Variants in RAB3GAP1 observed in about 807,000 individuals in gnomAD.
The protein encoded by RAB3GAP1 is RAB3 GTPase activating protein catalytic subunit 1.
Under a neutral mutation model 130.7 loss-of-function variants are expected in RAB3GAP1, and 86 were observed. The ratio of observed to expected loss-of-function variants is 0.66; its 90% confidence interval spans 0.55 to 0.79. RAB3GAP1 has a LOEUF of 0.79. RAB3GAP1 is among the 30% of genes least tolerant of loss of function. The pLI is 0.00. For synonymous variants in RAB3GAP1, 367 were observed against 401.7 expected, an observed-to-expected ratio of 0.91 and a Z score of 1.03; for missense variants, 1,029 against 1,169.4, an observed-to-expected ratio of 0.88 and a Z score of 1.75.
In RAB3GAP1 at chr2:135,058,009, A is replaced by G. The variant is rs1309390755; in HGVS notation, c.75-2A>G. On this transcript the variant is annotated splice_acceptor_variant, in intron 2 of 23. Transcript: ENST00000264158. LOFTEE classifies it high-confidence loss of function. ...TTTAGAAGCTTTCTCCCTACTTCCT[A>G]GGTTTATTTCCAAAGTTGAAGAAGT... is the stretch of plus-strand genomic sequence containing the variant. 1.2e-6 allele frequency: 2 copies of G among 1,604,510 alleles called. No homozygotes were observed. Among genetic ancestry groups the G allele is most frequent in the South Asian group, 2.2e-5 (2 of 90,826 alleles).
chr2:135,052,363 C>G, intron 1 of RAB3GAP1, 38 bp downstream of exon 1: 1 of 1,614,156 alleles, frequency 6.2e-7, no homozygotes, highest in South Asian at 1.1e-5. Flanking sequence ...TTGTCACTAT[C>G]TAAATTCGTT....
chr2:135,067,783 G>T (rs2104836826), intron 3 of RAB3GAP1, among the ~76,000 whole-genome samples: 1 of 152,334 alleles, frequency 6.6e-6, no homozygotes, highest in Middle Eastern at 3.4e-3. Context: ...CTAGAGTGCG[G>T]TGGCACCATC....
intron 7 of RAB3GAP1, among the ~76,000 whole-genome samples, chr2:135,116,756 C>G (rs895133816): frequency 6.6e-6 from 1 of 152,084 alleles, no homozygotes; most frequent in African/African-American, 2.4e-5. Flanking sequence ...AAAAAAATGT[C>G]ATATGCATAA....
Position 135,153,684 on chromosome 2 carries a change from G to C in RAB3GAP1, c.2097G>C (p.Val699=), listed in dbSNP as rs1178795845. The C allele has an allele frequency of 6.2e-7, 1 of 1,613,978 alleles. No individual in the cohort carries two copies. Among genetic ancestry groups the C allele is most frequent in the African/African-American group, 1.3e-5 (1 of 74,990 alleles). ...CAGGTTGCTCCCTGGAAGATTTTGT[G>C]AGGTGGTATTCACCCCGGGATTATA... ...ANPGCSLEDF[V]RWYSPRDYIE... Residue 699 remains valine (V), a synonymous_variant, in exon 19 of 24, where the codon GTG becomes GTC. Coordinates refer to ENST00000264158, the MANE Select transcript of RAB3GAP1 (RefSeq NM_012233.3).
At chr2:135,059,124 C>A (rs1689098853) in intron 3 of RAB3GAP1, 1 of 152,060 alleles carries the variant, frequency 6.6e-6, no homozygotes, top group African/African-American at 2.4e-5. Flanking sequence ...AAAAATACAT[C>A]ATTCAAAGAC....
chr2:135,159,276 C>T (rs1474367794), intron 19 of RAB3GAP1, among the ~76,000 whole-genome samples: 1 of 152,182 alleles, frequency 6.6e-6, no homozygotes, highest in Non-Finnish European at 1.5e-5. Context: ...CCAGAGAGTA[C>T]AGTGCACAGA....
intron 19 of RAB3GAP1, among the ~76,000 whole-genome samples, chr2:135,157,903 G>A (rs1024802076): frequency 5.9e-5 from 9 of 151,644 alleles, no homozygotes; most frequent in African/African-American, 2.2e-4. Flanking sequence ...GTAATGATAC[G>A]GGTACAGCAA....
chr2:135,173,205 A>AT (rs1553451479), downstream of RAB3GAP1, among the ~76,000 whole-genome samples: 1 of 152,086 alleles, frequency 6.6e-6, no homozygotes, highest in Non-Finnish European at 1.5e-5. Context: ...GGTTGGCTAT[A>AT]TAAGTTTGGA....
chr2:135,120,974 C>T lies in RAB3GAP1; in HGVS notation c.748+56C>T, dbSNP rs1691182438. On this transcript the variant is annotated intron_variant, in intron 8 of 23. Coordinates refer to ENST00000264158, the MANE Select transcript of RAB3GAP1 (RefSeq NM_012233.3). ...CTGAATATAAATGGAAAAGAAGATACATTCAGAAATTAAAATTACTTAACA... is the reference window on the plus strand; with the variant it reads ...CTGAATATAAATGGAAAAGAAGATATATTCAGAAATTAAAATTACTTAACA... 4 of 1,228,386 alleles carry T rather than the reference C, an allele frequency of 3.3e-6. No individual in the cohort carries two copies. In the Admixed American group the frequency reaches 6.7e-5, roughly 21 times the overall value. The allele number at this position is 1,228,386 out of a possible 1,614,324, so 76.1% of individuals were successfully genotyped here. A position where few individuals can be genotyped will look rare whatever the true frequency, so the allele number is the denominator to read the frequency against.
At chr2:135,076,463 T>A (rs549056416) in intron 3 of RAB3GAP1, among the ~76,000 whole-genome samples, 1 of 152,228 alleles carries the variant, frequency 6.6e-6, no homozygotes, top group Non-Finnish European at 1.5e-5. Flanking sequence ...GAGCATTCAT[T>A]AGTGTTCATT....
intron 17 of RAB3GAP1, among the ~76,000 whole-genome samples, chr2:135,148,959 C>T (rs1408512572): frequency 1.3e-5 from 2 of 152,054 alleles, no homozygotes; most frequent in Non-Finnish European, 2.9e-5. Flanking sequence ...ATTCCCTTAC[C>T]CCTCTCAGTG....
downstream of RAB3GAP1, among the ~76,000 whole-genome samples, chr2:135,173,909 A>T (rs757642834): frequency 3.3e-5 from 5 of 151,926 alleles, no homozygotes; most frequent in Non-Finnish European, 5.9e-5. Context: ...AAGAGGCCCC[A>T]CTCTTGTGTT....
chr2:135,100,663 A>G (rs1339371336), intron 5 of RAB3GAP1, among the ~76,000 whole-genome samples: 1 of 152,246 alleles, frequency 6.6e-6, no homozygotes, highest in Non-Finnish European at 1.5e-5. Flanking sequence ...AAAGTTAAGC[A>G]TATTAAATGT....
chr2:135,065,228 C>T (rs567623138), intron 3 of RAB3GAP1, among the ~76,000 whole-genome samples: 4 of 152,296 alleles, frequency 2.6e-5, no homozygotes, highest in African/African-American at 7.2e-5. Context: ...CTTTCTGCTT[C>T]CCGAGTTGTA....
In RAB3GAP1 at chr2:135,120,857, T is replaced by C. The variant is rs1049079583; in HGVS notation, c.687T>C (p.Ala229=). The change falls in exon 8 of 24, where the codon GCT becomes GCC. Residue 229 remains alanine, a synonymous_variant. Transcript: ENST00000264158. Reference sequence around the variant, plus strand: ...CTCCATTGCCTCCAGTTAGTATTGCTATTCGATTTACCTATGTACTTCAAG... The same window carrying C: ...CTCCATTGCCTCCAGTTAGTATTGCCATTCGATTTACCTATGTACTTCAAG... ...PLTPLPPVSI[A]IRFTYVLQDW... is the part of the protein sequence containing the mutation. 1.9e-6 allele frequency: 3 copies of C among 1,613,378 alleles called. No homozygotes were observed. In the Admixed American group the frequency reaches 5.0e-5, roughly 27 times the overall value.
chr2:135,149,707 G>T (rs1692114982), intron 17 of RAB3GAP1, among the ~76,000 whole-genome samples: 1 of 152,188 alleles, frequency 6.6e-6, no homozygotes, highest in African/African-American at 2.4e-5. Flanking sequence ...AGGCTGGAGT[G>T]CAGTGGCTCG....
In RAB3GAP1 at chr2:135,162,521, C is replaced by T. The variant is rs16831377; in HGVS notation, c.2290-34C>T. 42,249 of 1,529,426 alleles carry T rather than the reference C, an allele frequency of 0.028. 1,797 individuals carry two copies. Among genetic ancestry groups the T allele is most frequent in the African/African-American group, 0.19 (13,959 of 73,176 alleles). The allele number at this position is 1,529,426 out of a possible 1,614,324, so 94.7% of individuals were successfully genotyped here. ...TGGCTGCTTCATCCTTTGACACCTG[C>T]GCTGATCATTTGTGTGCGCTGCACC... On this transcript the variant is annotated intron_variant, in intron 19 of 23. Coordinates refer to ENST00000264158, the MANE Select transcript of RAB3GAP1 (RefSeq NM_012233.3).
chr2:135,127,100 C>T (rs1055125039), intron 11 of RAB3GAP1, among the ~76,000 whole-genome samples: 4 of 151,650 alleles, frequency 2.6e-5, no homozygotes, highest in Non-Finnish European at 4.4e-5. Flanking sequence ...TAGTCTTGAT[C>T]TCCTGACCTC....
chr2:135,157,500 G>C (rs1260222190), intron 19 of RAB3GAP1, among the ~76,000 whole-genome samples: 1 of 152,140 alleles, frequency 6.6e-6, no homozygotes, highest in Non-Finnish European at 1.5e-5. Flanking sequence ...AAATGTGTTT[G>C]ACTGTATACT....
Sources: allele counts gnomAD v4.1 joint callset (sites outside exome capture counted in the v4.1 genomes callset), GRCh38; gene constraint gnomAD v4.1.1; transcripts MANE v1.5; gene names NCBI Gene and HGNC (gene_info 2026-07-23, HGNC 2026-07-21).